The following CCDC171 variants were observed in gnomAD, a reference collection of about 807,000 sequenced individuals.
CCDC171 encodes the protein coiled-coil domain-containing protein 171.
Under a neutral mutation model 168.2 loss-of-function variants are expected in CCDC171, and 177 were observed. The ratio of observed to expected loss-of-function variants is 1.05; its 90% CI spans 0.93 to 1.19. The LOEUF is 1.19. Among genes scored for constraint, CCDC171 ranks in the 50% most tolerant of loss-of-function variants. The pLI is 0.00. For synonymous variants in CCDC171, 687 were observed against 540.8 expected (o/e 1.27, Z -3.75); for missense variants, 1,991 against 1,539.0 (o/e 1.29, Z -4.91).
At chr9:15,909,389 T>C (rs915908202) in intron 24 of CCDC171, among the ~76,000 whole-genome samples, 5 of 105,068 alleles carry the variant, frequency 4.8e-5, no homozygotes, top group African/African-American at 1.7e-4. Flanking sequence ...TATGCATTCA[T>C]GTACATGTGC....
At chr9:15,582,903 C>T (rs569547151) in intron 4 of CCDC171, among the ~76,000 whole-genome samples, 1 of 148,978 alleles carries the variant, frequency 6.7e-6, no homozygotes, top group Non-Finnish European at 1.5e-5. Context: ...GCACATTCTG[C>T]ACATGTATCT....
intron 10 of CCDC171, among the ~76,000 whole-genome samples, chr9:15,687,099 G>A (rs773192141): frequency 4.6e-5 from 7 of 152,090 alleles, no homozygotes; most frequent in Non-Finnish European, 8.8e-5. Context: ...ATTAATAACA[G>A]AAGGCAACAG....
intron 21 of CCDC171, among the ~76,000 whole-genome samples, chr9:15,835,315 CCTGT>C (rs2060396218): frequency 6.6e-6 from 1 of 152,054 alleles, no homozygotes; most frequent in African/African-American, 2.4e-5. Flanking sequence ...TGAGCAATTT[CCTGT>C]CTTTGTTTAC....
chr9:15,612,168 G>T (rs2043747077), intron 6 of CCDC171, among the ~76,000 whole-genome samples: 1 of 152,170 alleles, frequency 6.6e-6, no homozygotes, highest in African/African-American at 2.4e-5. Context: ...CTAGTTTATG[G>T]TATATCTTGT....
At position 15,723,715 on chromosome 9, in the gene CCDC171, A is replaced by C; in HGVS notation, c.1460A>C (p.Gln487Pro). The C allele has an allele frequency of 6.3e-7, 1 of 1,579,606 alleles. No individual in the cohort carries two copies. The highest frequency in any genetic ancestry group is 8.7e-7 in the Non-Finnish European group (1 of 1,154,788). Residue 487 changes from glutamine (Q) to proline (P), a missense_variant, in exon 13 of 26, where the codon CAG becomes CCG. Physicochemically the swap from Gln to Pro is moderately conservative, Grantham distance 76 (BLOSUM62 -1). Transcript: ENST00000380701. The stretch of plus-strand genomic sequence containing the variant: ...TGTAATGAACTTGATTCTACGAAAC[A>C]GAAGATAGACTCTCACACTAAAAAT... ...KACNELDSTK[Q>P]KIDSHTKNIK...
chr9:15,907,384 C>G (rs1334131065), intron 24 of CCDC171, among the ~76,000 whole-genome samples: 1 of 152,132 alleles, frequency 6.6e-6, no homozygotes, highest in Non-Finnish European at 1.5e-5. Flanking sequence ...CTTTGACAAA[C>G]CTGACAAAAA....
intron 7 of CCDC171, among the ~76,000 whole-genome samples, chr9:15,631,216 A>C (rs1230755387): frequency 1.3e-5 from 2 of 152,066 alleles, no homozygotes; most frequent in Non-Finnish European, 2.9e-5. Flanking sequence ...CCCTTCAAAA[A>C]ATTAATGAAT....
intron 21 of CCDC171, among the ~76,000 whole-genome samples, chr9:15,789,575 A>C (rs1244570356): frequency 6.6e-6 from 1 of 152,204 alleles, no homozygotes; most frequent in African/African-American, 2.4e-5. Context: ...CAACGAAGTA[A>C]CTGACACATG....
intron 24 of CCDC171, among the ~76,000 whole-genome samples, chr9:15,903,409 C>A (rs1029498207): frequency 6.6e-6 from 1 of 152,178 alleles, no homozygotes; most frequent in Non-Finnish European, 1.5e-5. Context: ...ACTGCTGATA[C>A]CCAGGCAAAC....
intron 25 of CCDC171, among the ~76,000 whole-genome samples, chr9:15,946,420 A>G (rs1437929008): frequency 2.0e-5 from 3 of 152,040 alleles, no homozygotes; most frequent in African/African-American, 4.8e-5. Context: ...CCCATTCACA[A>G]TTGCTTCAAA....
At chr9:15,908,620 G>C (rs188323631) in intron 24 of CCDC171, among the ~76,000 whole-genome samples, 107 of 152,186 alleles carry the variant, frequency 7.0e-4, no homozygotes, top group African/African-American at 2.4e-3. Flanking sequence ...TAACCTGCAC[G>C]TTGTGCACCT....
intron 18 of CCDC171, among the ~76,000 whole-genome samples, chr9:15,772,546 A>G (rs1252998479): frequency 6.6e-6 from 1 of 152,234 alleles, no homozygotes; most frequent in Non-Finnish European, 1.5e-5. Flanking sequence ...AGATTGTGAT[A>G]TATTGGGGTC....
Position 15,846,750 on chromosome 9 carries a change from C to A in CCDC171, c.3316C>A (p.Arg1106Ser). The change falls in exon 22 of 26, where the codon CGT becomes AGT. Residue 1106 changes from arginine to serine, a missense_variant. Transcript: ENST00000380701. ...GCTGAGAAGAAAAGATCAATCTCTG[C>A]GTCAGCTCAATAGACATCTTACCCA... ...MELRRKDQSL[R>S]QLNRHLTQLE... 6.2e-7 allele frequency: 1 copy of A among 1,612,836 alleles called. No homozygotes were observed. Among genetic ancestry groups the A allele is most frequent in the Non-Finnish European group, 8.5e-7 (1 of 1,179,350 alleles).
At chr9:15,585,397 A>G (rs192466) in intron 4 of CCDC171, among the ~76,000 whole-genome samples, 76,858 of 152,046 alleles carry the variant, frequency 0.51, 19,763 homozygotes, top group East Asian at 0.83. Context: ...ATGCTACTCA[A>G]CAATAAGAAG....
intron 3 of CCDC171, among the ~76,000 whole-genome samples, chr9:16,014,550 A>G (rs983829355): frequency 1.3e-5 from 2 of 152,212 alleles, no homozygotes; most frequent in Admixed American, 6.5e-5. Context: ...CAGATCCATC[A>G]GGGGAATCAC....
At chr9:15,645,347 G>C (rs1251668267) in intron 7 of CCDC171, among the ~76,000 whole-genome samples, 1 of 46,166 alleles carries the variant, frequency 2.2e-5, no homozygotes, top group Non-Finnish European at 6.1e-5. Flanking sequence ...CTCTCCAAAG[G>C]AACTCAGCTC....
intron 7 of CCDC171, among the ~76,000 whole-genome samples, chr9:15,633,148 C>A (rs539295826): frequency 5.7e-4 from 87 of 152,220 alleles, no homozygotes; most frequent in African/African-American, 2.0e-3. Context: ...AAAGCAATGG[C>A]AAGAAAAGCC....
chr9:15,934,066 C>T (rs1589166624), intron 25 of CCDC171, among the ~76,000 whole-genome samples: 1 of 151,826 alleles, frequency 6.6e-6, no homozygotes, highest in South Asian at 2.1e-4. Context: ...ACTCTTACAA[C>T]TCAACAACAA....
intron 18 of CCDC171, among the ~76,000 whole-genome samples, chr9:15,751,394 C>G (rs780717550): frequency 3.3e-5 from 5 of 152,184 alleles, no homozygotes. Context: ...CAAGCTGCCG[C>G]TGACTTTCTT....
Sources: allele counts gnomAD v4.1 joint callset (sites outside exome capture counted in the v4.1 genomes callset), GRCh38; gene constraint gnomAD v4.1.1; transcripts MANE v1.5; gene names NCBI Gene and HGNC (gene_info 2026-07-23, HGNC 2026-07-21).